The following CAMK2D variants were observed in gnomAD, a reference collection of about 807,000 sequenced individuals.
CAMK2D encodes calcium/calmodulin dependent protein kinase II delta.
CAMK2D carries 37 observed loss-of-function variants against 84.0 expected under a neutral mutation model. The observed-to-expected ratio is 0.44, with a 90% CI of 0.34 to 0.58. CAMK2D has a LOEUF of 0.58. Ranked by LOEUF, CAMK2D falls within the 20% of genes least tolerant of loss-of-function variation. The probability of loss-of-function intolerance (pLI) is 0.02; values close to 1 mark genes in which losing one functional copy is unlikely to be tolerated. For missense variants in CAMK2D, 448 were observed against 652.5 expected, an observed-to-expected ratio of 0.69 and a Z score of 3.41; for synonymous variants, 202 against 212.5, an observed-to-expected ratio of 0.95 and a Z score of 0.43.
intron 2 of CAMK2D, among the ~76,000 whole-genome samples, chr4:113,718,802 A>G (rs2099521618): frequency 6.6e-6 from 1 of 152,206 alleles, no homozygotes; most frequent in East Asian, 1.9e-4. Flanking sequence ...TTTTCACTGT[A>G]ATAATTTTCT....
At chr4:113,738,752 C>T (rs1278741221) in intron 2 of CAMK2D, among the ~76,000 whole-genome samples, 1 of 151,944 alleles carries the variant, frequency 6.6e-6, no homozygotes, top group Non-Finnish European at 1.5e-5. Flanking sequence ...TGAACTTTCC[C>T]ATGTCACTGA....
chr4:113,468,036 G>A (rs1001720045), intron 16 of CAMK2D, among the ~76,000 whole-genome samples: 3 of 151,892 alleles, frequency 2.0e-5, no homozygotes, highest in Non-Finnish European at 4.4e-5. Context: ...TAAGATCAAC[G>A]TCCTTCGTGG....
intron 2 of CAMK2D, among the ~76,000 whole-genome samples, chr4:113,672,292 C>G (rs114831100): frequency 6.6e-6 from 1 of 152,110 alleles, no homozygotes; most frequent in Non-Finnish European, 1.5e-5. Flanking sequence ...GCTTCCAGTA[C>G]AGACTCTGCC....
chr4:113,522,749 G>C (rs1036703021), intron 8 of CAMK2D, among the ~76,000 whole-genome samples: 3 of 152,152 alleles, frequency 2.0e-5, no homozygotes, highest in Non-Finnish European at 4.4e-5. Context: ...GCAAGAAACT[G>C]ATAGTTTTTA....
At chr4:113,482,042 G>A (rs556979525) in intron 16 of CAMK2D, among the ~76,000 whole-genome samples, 5 of 152,306 alleles carry the variant, frequency 3.3e-5, no homozygotes, top group African/African-American at 1.2e-4. Context: ...AGGAGCCCTG[G>A]TCATGGTAGG....
At chr4:113,739,717 A>G (rs1250880969) in intron 2 of CAMK2D, among the ~76,000 whole-genome samples, 1 of 152,214 alleles carries the variant, frequency 6.6e-6, no homozygotes, top group African/African-American at 2.4e-5. Flanking sequence ...CCTACATGAT[A>G]TAATACTTCT....
chr4:113,663,610 A>ATAC (rs1258141394), intron 2 of CAMK2D, among the ~76,000 whole-genome samples: 1 of 149,666 alleles, frequency 6.7e-6, no homozygotes, highest in African/African-American at 2.4e-5. Context: ...AATAATAATA[A>ATAC]TAATAATAAT....
intron 3 of CAMK2D, among the ~76,000 whole-genome samples, chr4:113,635,117 G>A (rs2099105063): frequency 6.6e-6 from 1 of 152,154 alleles, no homozygotes; most frequent in African/African-American, 2.4e-5. Flanking sequence ...GTATGCGAAA[G>A]CACTTTTTGC....
At chr4:113,575,483 C>T (rs1480428213) in intron 4 of CAMK2D, among the ~76,000 whole-genome samples, 1 of 151,928 alleles carries the variant, frequency 6.6e-6, no homozygotes, top group African/African-American at 2.4e-5. Flanking sequence ...TCTTAAAGAC[C>T]CCGGATCATA....
intron 5 of CAMK2D, among the ~76,000 whole-genome samples, chr4:113,548,990 C>A (rs1260831492): frequency 6.6e-6 from 1 of 152,006 alleles, no homozygotes; most frequent in Non-Finnish European, 1.5e-5. Context: ...TGTAAGTGTA[C>A]AAATTAAATA....
chr4:113,749,042 C>G (rs1276317510), intron 2 of CAMK2D, among the ~76,000 whole-genome samples: 1 of 151,728 alleles, frequency 6.6e-6, no homozygotes, highest in African/African-American at 2.4e-5. Flanking sequence ...TACACCTGAA[C>G]TAACTCCCCA....
At chr4:113,463,462 T>C (rs1330955918) in intron 17 of CAMK2D, among the ~76,000 whole-genome samples, 1 of 152,160 alleles carries the variant, frequency 6.6e-6, no homozygotes, top group African/African-American at 2.4e-5. Flanking sequence ...CCGCAACCTC[T>C]GCCTCCTGGG....
chr4:113,520,330 C>T (rs1038809061), intron 8 of CAMK2D, among the ~76,000 whole-genome samples: 1 of 152,054 alleles, frequency 6.6e-6, no homozygotes, highest in African/African-American at 2.4e-5. Flanking sequence ...ATCGCTTCAA[C>T]TCAGGAGGTG....
intron 3 of CAMK2D, among the ~76,000 whole-genome samples, chr4:113,639,074 C>T (rs1238653678): frequency 6.9e-6 from 1 of 145,586 alleles, no homozygotes; most frequent in Non-Finnish European, 1.5e-5. Context: ...GAAACTTTGC[C>T]TCTACCAAAA....
intron 3 of CAMK2D, among the ~76,000 whole-genome samples, chr4:113,646,515 C>G (rs1158722941): frequency 6.6e-6 from 1 of 152,184 alleles, no homozygotes; most frequent in Non-Finnish European, 1.5e-5. Context: ...GCTGTCAGGG[C>G]AGGCCTCCAC....
intron 2 of CAMK2D, among the ~76,000 whole-genome samples, chr4:113,707,693 G>T (rs557935969): frequency 6.6e-6 from 1 of 152,168 alleles, no homozygotes; most frequent in East Asian, 1.9e-4. Context: ...AAATATTATT[G>T]AACACAGTCA....
At chr4:113,476,252 G>A (rs368757651) in intron 16 of CAMK2D, among the ~76,000 whole-genome samples, 11 of 152,214 alleles carry the variant, frequency 7.2e-5, no homozygotes, top group African/African-American at 2.6e-4. Context: ...GCACAGCATT[G>A]TAAATCTGTG....
At chr4:113,624,477 T>G (rs1016550058) in intron 3 of CAMK2D, among the ~76,000 whole-genome samples, 1 of 152,194 alleles carries the variant, frequency 6.6e-6, no homozygotes, top group African/African-American at 2.4e-5. Context: ...CTTGCTCACT[T>G]GGCAGGAACG....
chr4:113,492,437 T>C lies in CAMK2D; in HGVS notation c.1135+8026A>G, dbSNP rs183626345. ...TCAGGAGCAGGTTGTTCAGTTTCCA[T>C]GTAGTTGAGCGGTTTTGAGTGAGAT... On this transcript the variant is annotated intron_variant, in intron 16 of 20. Coordinates refer to ENST00000511664, the MANE Select transcript of CAMK2D (RefSeq NM_001321571.2). Among the ~76,000 whole-genome samples, 1,410 of 152,310 alleles carry C rather than the reference T, an allele frequency of 9.3e-3. 25 individuals carry two copies. Among genetic ancestry groups the C allele is most frequent in the African/African-American group, 0.032 (1,312 of 41,566 alleles).
Sources: allele counts gnomAD v4.1 joint callset (sites outside exome capture counted in the v4.1 genomes callset), GRCh38; gene constraint gnomAD v4.1.1; transcripts MANE v1.5; gene names NCBI Gene and HGNC (gene_info 2026-07-23, HGNC 2026-07-21).